PCDHGA5: variants seen among roughly 807,000 people sequenced by gnomAD.
PCDHGA5 encodes the protein protocadherin gamma-A5.
In PCDHGA5, 36 loss-of-function variants were observed where a neutral mutation model predicts 56.7. The ratio of observed to expected loss-of-function variants is 0.64; its 90% CI spans 0.49 to 0.84. PCDHGA5 has a LOEUF of 0.84. Among genes scored for constraint, PCDHGA5 ranks in the 40% least tolerant of loss-of-function variants. The pLI, the probability that PCDHGA5 is intolerant of heterozygous loss-of-function variation, is 0.00. For missense variants in PCDHGA5, 1,305 were observed against 1,201.5 expected (o/e 1.09, Z -1.27); for synonymous variants, 563 against 520.2 (o/e 1.08, Z -1.12).
intron 1 of PCDHGA5, among the ~76,000 whole-genome samples, chr5:141,460,793 A>T (rs954317795): frequency 2.0e-4 from 30 of 152,024 alleles, no homozygotes; most frequent in Non-Finnish European, 2.9e-5. Flanking sequence ...TATACACACA[A>T]AGTATATATA....
Position 141,432,098 on chromosome 5 carries a change from G to A in PCDHGA5, c.2422-62709G>A. 1.2e-6 allele frequency: 2 copies of A among 1,614,056 alleles called. No homozygotes were observed. Among genetic ancestry groups the A allele is most frequent in the Non-Finnish European group, 1.7e-6 (2 of 1,180,002 alleles). ...CTCGCTGAACGTGGCAGACACCAAC[G>A]ACAACCCGCCGGTCTTCCCTCAGGC... On this transcript the variant is annotated intron_variant, in intron 1 of 3. Transcript: ENST00000518069. The surrounding 1 kb of genome is among the most constrained non-coding windows in gnomAD (Gnocchi z 6.0).
In PCDHGA5 at chr5:141,408,496, G is replaced by C. The variant is rs758752081; in HGVS notation, c.2421+41745G>C. On this transcript the variant is annotated intron_variant, in intron 1 of 3. Coordinates refer to ENST00000518069, the MANE Select transcript of PCDHGA5 (RefSeq NM_018918.3). The stretch of plus-strand genomic sequence containing the variant: ...TAGACCGTGAGCAAATATGCAAAGA[G>C]AGAAGAAGATGTGAGTTGCAATTGG... 21 of 1,613,960 alleles carry C rather than the reference G, an allele frequency of 1.3e-5. No individual in the cohort carries two copies. In the East Asian group the frequency reaches 1.3e-4, roughly 10 times the overall value.
intron 1 of PCDHGA5, among the ~76,000 whole-genome samples, chr5:141,430,341 C>T (rs766664177): frequency 1.4e-4 from 21 of 149,938 alleles, no homozygotes; most frequent in Non-Finnish European, 2.8e-4. Context: ...TAGAAACTTC[C>T]AATTCATTTA....
intron 1 of PCDHGA5, chr5:141,384,570 C>T (rs1344812982): frequency 6.2e-7 from 1 of 1,614,240 alleles, no homozygotes; most frequent in South Asian, 1.1e-5. Context: ...ACCAGAATGA[C>T]AACCCGCCCG....
At chr5:141,384,646 G>A (rs1780315410) in intron 1 of PCDHGA5, 2 of 1,614,230 alleles carry the variant, frequency 1.2e-6, no homozygotes, top group Non-Finnish European at 1.7e-6. Flanking sequence ...CCGCTCCGCA[G>A]AGCCCGGCTA....
At chr5:141,399,798 G>A in intron 1 of PCDHGA5, 1 of 1,613,236 alleles carries the variant, frequency 6.2e-7, no homozygotes. Context: ...ACGCACCGCG[G>A]GTGCTGTACC....
At chr5:141,372,388 C>T (rs745890626) in intron 1 of PCDHGA5, 1 of 1,614,056 alleles carries the variant, frequency 6.2e-7, no homozygotes, top group Non-Finnish European at 8.5e-7. Flanking sequence ...CTAATCTTCG[C>T]AGATAGCTTG....
At chr5:141,441,386 G>A (rs2098243752) in intron 1 of PCDHGA5, 1 of 153,358 alleles carries the variant, frequency 6.5e-6, no homozygotes, top group African/African-American at 2.4e-5. Flanking sequence ...ACAGACCCAA[G>A]GTATAACATC....
chr5:141,447,181 G>C (rs442221), intron 1 of PCDHGA5, among the ~76,000 whole-genome samples: 152,246 of 152,338 alleles, frequency 1, 76,078 homozygotes, highest in Middle Eastern at 1. Context: ...CTCTTGTCGC[G>C]CAGGCTGGAG....
At position 141,418,812 on chromosome 5, in the gene PCDHGA5, A is replaced by T. The variant is rs761899929; in HGVS notation, c.2421+52061A>T. 4 of 1,613,914 alleles carry T rather than the reference A, an allele frequency of 2.5e-6. No individual in the cohort carries two copies. In the South Asian group the frequency reaches 4.4e-5, roughly 18 times the overall value. On this transcript the variant is annotated intron_variant, in intron 1 of 3. Transcript: ENST00000518069. ...GAAGAAGTAGAAAGATATACGATAA[A>T]CATAGAAGCAAAAGACCGAGGATCT... is the stretch of plus-strand genomic sequence containing the variant.
rs567174433 is a variant in PCDHGA5, at chr5:141,443,351, G to A, written c.2422-51456G>A. On this transcript the variant is annotated intron_variant, in intron 1 of 3. Coordinates refer to ENST00000518069, the MANE Select transcript of PCDHGA5 (RefSeq NM_018918.3). ...AAAACAAAAATTAACAAGGTTTAGT[G>A]GTCCATGCCTGTGGTCTCAGCTACT... 6.6e-5 allele frequency among the ~76,000 whole-genome samples: 10 copies of A among 152,072 alleles called. No homozygotes were observed. The South Asian group carries it at 2.1e-3, about 32-fold the overall frequency.
At chr5:141,387,558 C>G (rs1456100013) in intron 1 of PCDHGA5, 1 of 417,976 alleles carries the variant, frequency 2.4e-6, no homozygotes, top group Non-Finnish European at 4.2e-6. Context: ...TTCAGTTAGG[C>G]ACACAATTAT....
chr5:141,499,635 A>C (rs578081078), intron 2 of PCDHGA5, among the ~76,000 whole-genome samples: 16 of 152,136 alleles, frequency 1.1e-4, no homozygotes, highest in African/African-American at 3.6e-4. Context: ...CTTTTGAAGC[A>C]AATCTCAGAC....
At chr5:141,375,110 A>C in intron 1 of PCDHGA5, 1 of 1,613,972 alleles carries the variant, frequency 6.2e-7, no homozygotes, top group Non-Finnish European at 8.5e-7. Flanking sequence ...TGTCAATGAT[A>C]ATGTACCAGA....
intron 1 of PCDHGA5, among the ~76,000 whole-genome samples, chr5:141,461,415 T>C (rs2099015091): frequency 6.6e-6 from 1 of 152,152 alleles, no homozygotes; most frequent in Non-Finnish European, 1.5e-5. Flanking sequence ...TTTCATATGT[T>C]TGTGGGCCAT....
intron 1 of PCDHGA5, among the ~76,000 whole-genome samples, chr5:141,396,897 T>C (rs1337739986): frequency 1.3e-5 from 2 of 152,220 alleles, no homozygotes; most frequent in African/African-American, 4.8e-5. Flanking sequence ...CAACATATTA[T>C]TGGCACTTTG....
intron 3 of PCDHGA5, among the ~76,000 whole-genome samples, chr5:141,508,761 C>G (rs943236216): frequency 6.6e-6 from 1 of 151,974 alleles, no homozygotes; most frequent in Admixed American, 6.6e-5. Context: ...TCTGGCGCCT[C>G]TGAGGTCCCC....
chr5:141,385,381 T>C, intron 1 of PCDHGA5: 1 of 1,517,334 alleles, frequency 6.6e-7, no homozygotes, highest in South Asian at 1.3e-5. Context: ...TATTTCTCTA[T>C]TATTTTGCAA....
chr5:141,476,565 C>T lies in PCDHGA5; in HGVS notation c.2422-18242C>T. 6.2e-7 allele frequency: 1 copy of T among 1,614,184 alleles called. No individual in the cohort carries two copies. Among genetic ancestry groups the T allele is most frequent in the Non-Finnish European group, 8.5e-7 (1 of 1,180,034 alleles). On this transcript the variant is annotated intron_variant, in intron 1 of 3. Coordinates refer to ENST00000518069, the MANE Select transcript of PCDHGA5 (RefSeq NM_018918.3). This position sits in a 1 kb window ranked among gnomAD's most constrained non-coding sequence, Gnocchi z 7.6. ...TTGGAGATTAGCGAGGCCGTGGCTC[C>T]GGGGACGCGCTTTCCGCTCGAGAGC...
Sources: allele counts gnomAD v4.1 joint callset (sites outside exome capture counted in the v4.1 genomes callset), GRCh38; gene constraint gnomAD v4.1.1; non-coding constraint Gnocchi (gnomAD v3.1); transcripts MANE v1.5; gene names NCBI Gene and HGNC (gene_info 2026-07-23, HGNC 2026-07-21).